The following AMD1 variants were observed in gnomAD, a reference collection of about 807,000 sequenced individuals.
The protein encoded by AMD1 is S-adenosylmethionine decarboxylase proenzyme.
AMD1 carries 11 observed loss-of-function variants against 40.2 expected under a neutral mutation model. The observed-to-expected ratio is 0.27, with a 90% CI of 0.17 to 0.45. AMD1 has a LOEUF of 0.45. Among genes scored for constraint, AMD1 ranks in the 20% least tolerant of loss-of-function variants. The pLI is 1.00. For synonymous variants in AMD1, 121 were observed against 130.8 expected (o/e 0.93, Z 0.51); for missense variants, 257 against 410.2 (o/e 0.63, Z 3.23).
At chr6:110,819,100 G>A in the AMD1 span, among the ~76,000 whole-genome samples, 1 of 152,118 alleles carries the variant, frequency 6.6e-6, no homozygotes, top group Non-Finnish European at 1.5e-5. Flanking sequence ...GCTCATGGCT[G>A]TAATCCCACC....
rs1252914202 is a variant in AMD1, at chr6:110,894,692, TAGC to T, written c.*1080_*1082del. 6.6e-6 allele frequency: 1 copy of T among 152,212 alleles called. No individual in the cohort carries two copies. The highest frequency in any genetic ancestry group is 1.5e-5 in the Non-Finnish European group (1 of 68,040). 9.4% of individuals were successfully genotyped at this position (152,212 alleles called of 1,614,324 possible). On this transcript the variant is annotated 3_prime_UTR_variant, in exon 9 of 9. Coordinates refer to ENST00000368885, the MANE Select transcript of AMD1 (RefSeq NM_001634.6). ...GGATCATTCACCTTAACTTTTCCTT[TAGC>T]AGCCATTTCCACTAGTTTCCATTAA...
At chr6:110,840,246 T>G in the AMD1 span, among the ~76,000 whole-genome samples, 2 of 152,098 alleles carry the variant, frequency 1.3e-5, no homozygotes, top group Non-Finnish European at 2.9e-5. Context: ...TTGGCAATTT[T>G]ATTTTATTAA....
the AMD1 span, among the ~76,000 whole-genome samples, chr6:110,823,059 G>A: frequency 2.0e-5 from 3 of 152,216 alleles, no homozygotes; most frequent in East Asian, 5.8e-4. Flanking sequence ...AGGTTGTGGC[G>A]AGCCGAGATT....
At chr6:110,826,368 G>T in the AMD1 span, among the ~76,000 whole-genome samples, 2 of 151,776 alleles carry the variant, frequency 1.3e-5, no homozygotes, top group Non-Finnish European at 2.9e-5. Context: ...CTTCTGATAG[G>T]GTATGAGAAG....
the AMD1 span, among the ~76,000 whole-genome samples, chr6:110,821,296 A>G: frequency 4.6e-5 from 7 of 152,156 alleles, no homozygotes; most frequent in Non-Finnish European, 1.0e-4. Context: ...TTTCCCATTT[A>G]CATATAAACA....
chr6:110,893,348 TAAG>T (rs763192042), intron 8 of AMD1, 125 bp from the exon 9 acceptor site: 23 of 1,324,848 alleles, frequency 1.7e-5, no homozygotes, highest in Non-Finnish European at 1.4e-5. Flanking sequence ...CTCCAGCACA[TAAG>T]AAGGCAGCTA....
intron 5 of AMD1, 41 bp downstream of exon 5, chr6:110,892,244 T>C: frequency 2.5e-6 from 4 of 1,613,758 alleles, no homozygotes; most frequent in Non-Finnish European, 3.4e-6. Context: ...TTGTCCTATG[T>C]AAGATTTAAA....
At chr6:110,875,868 C>G (rs973398915) in intron 1 of AMD1, among the ~76,000 whole-genome samples, 3 of 152,156 alleles carry the variant, frequency 2.0e-5, no homozygotes, top group African/African-American at 7.2e-5. Context: ...CCCTAACATG[C>G]TCTGCGCCAG....
At chr6:110,819,658 C>T in the AMD1 span, among the ~76,000 whole-genome samples, 1 of 152,198 alleles carries the variant, frequency 6.6e-6, no homozygotes. Flanking sequence ...ATAGAAATAA[C>T]TGTCAGGCAT....
At chr6:110,868,790 TC>T in the AMD1 span, among the ~76,000 whole-genome samples, 6 of 152,102 alleles carry the variant, frequency 3.9e-5, no homozygotes, top group African/African-American at 1.4e-4. Flanking sequence ...GCGCGGTGGC[TC>T]ACACCTGTAA....
chr6:110,863,107 G>T, the AMD1 span, among the ~76,000 whole-genome samples: 9 of 151,864 alleles, frequency 5.9e-5, no homozygotes, highest in Admixed American at 3.9e-4. Flanking sequence ...ACCACGCCCG[G>T]CTAATTTTTT....
At chr6:110,815,533 C>T in the AMD1 span, 3 of 160,332 alleles carry the variant, frequency 1.9e-5, no homozygotes, top group East Asian at 3.7e-4. Context: ...GCGGCCTGGG[C>T]GGTTTTGCCG....
intron 1 of AMD1, among the ~76,000 whole-genome samples, chr6:110,883,212 A>G (rs184304324): frequency 6.6e-6 from 1 of 152,344 alleles, no homozygotes; most frequent in Non-Finnish European, 1.5e-5. Flanking sequence ...CCTGGACAGA[A>G]TGCATTGTTG....
chr6:110,873,252 T>TTGA (rs1448195062), upstream of AMD1, among the ~76,000 whole-genome samples: 1 of 152,130 alleles, frequency 6.6e-6, no homozygotes, highest in Non-Finnish European at 1.5e-5. Flanking sequence ...TAATCCCAGC[T>TTGA]ACTCGGGAGG....
Position 110,894,289 on chromosome 6 carries a change from A to G in AMD1, c.*673A>G, listed in dbSNP as rs1786189575. On this transcript the variant is annotated 3_prime_UTR_variant, in exon 9 of 9. Coordinates refer to ENST00000368885, the MANE Select transcript of AMD1 (RefSeq NM_001634.6). ...CCCTCTCCCTGGTGTCTCCCCCAAG[A>G]CCCCAAATAAAGCAATACACTGTTA... 1 of 152,668 alleles carries G rather than the reference A, an allele frequency of 6.6e-6. No homozygotes were observed. Among genetic ancestry groups the G allele is most frequent in the South Asian group, 2.1e-4 (1 of 4,826 alleles). 9.5% of individuals were successfully genotyped at this position (152,668 alleles called of 1,614,324 possible).
intron 1 of AMD1, among the ~76,000 whole-genome samples, chr6:110,884,718 T>TA (rs1398311892): frequency 6.6e-6 from 1 of 152,018 alleles, no homozygotes; most frequent in Non-Finnish European, 1.5e-5. Context: ...CAACAGCCTT[T>TA]AAAAAAAGAG....
chr6:110,858,621 T>A, the AMD1 span: 1 of 1,468,102 alleles, frequency 6.8e-7, no homozygotes, highest in Non-Finnish European at 9.5e-7. Flanking sequence ...CTCGCCCTGG[T>A]GAGTAAGGCC....
At chr6:110,863,839 T>C in the AMD1 span, 6 of 383,404 alleles carry the variant, frequency 1.6e-5, no homozygotes, top group East Asian at 3.0e-4. Flanking sequence ...AAGAAGTTCA[T>C]TGAAGGCCTG....
chr6:110,836,012 C>CAAAAAAAAAAAAAAA, the AMD1 span, among the ~76,000 whole-genome samples: 1 of 60,750 alleles, frequency 1.6e-5, no homozygotes, highest in African/African-American at 6.1e-5. Flanking sequence ...GACCTTGACT[C>CAAAAAAAAAAAAAAA]AAAAAAAAAA....
Sources: allele counts gnomAD v4.1 joint callset (sites outside exome capture counted in the v4.1 genomes callset), GRCh38; gene constraint gnomAD v4.1.1; transcripts MANE v1.5; gene names NCBI Gene and HGNC (gene_info 2026-07-23, HGNC 2026-07-21).